The following TNRC18 variants were observed in gnomAD, a reference collection of about 807,000 sequenced individuals.
TNRC18 encodes trinucleotide repeat containing 18.
TNRC18 carries 69 observed loss-of-function variants against 226.7 expected under a neutral mutation model. The ratio of observed to expected loss-of-function variants is 0.30; its 90% CI spans 0.25 to 0.37. The LOEUF (loss-of-function observed/expected upper bound fraction) is 0.37, where lower values mean the gene tolerates loss of function less well. Ranked by LOEUF, TNRC18 falls within the 10% of genes least tolerant of loss-of-function variation. TNRC18 has a pLI of 1.00. For synonymous variants in TNRC18, 2,449 were observed against 1,927.6 expected, an observed-to-expected ratio of 1.27 and a Z score of -7.09; for missense variants, 4,754 against 4,256.6, an observed-to-expected ratio of 1.12 and a Z score of -3.25.
At chr7:5,308,422 G>C in intron 29 of TNRC18, 110 bp from the exon 30 acceptor site, 2 of 1,006,326 alleles carry the variant, frequency 2.0e-6, no homozygotes, top group South Asian at 1.5e-5. Context: ...CAGGGACTGA[G>C]ACAGAGACCA....
At chr7:5,370,297 T>C (rs1279738654) in intron 11 of TNRC18, 78 bp downstream of exon 11, 40 of 1,460,832 alleles carry the variant, frequency 2.7e-5, no homozygotes, top group Non-Finnish European at 3.3e-5. Context: ...CACTCCAGCC[T>C]GGGCAACACA....
chr7:5,402,800 G>A (rs980191162), intron 2 of TNRC18, among the ~76,000 whole-genome samples: 1 of 152,002 alleles, frequency 6.6e-6, no homozygotes, highest in African/African-American at 2.4e-5. Context: ...GTTGCAGTGA[G>A]GCGACACAGT....
chr7:5,355,366 G>A (rs537106013), intron 16 of TNRC18, among the ~76,000 whole-genome samples: 27 of 152,308 alleles, frequency 1.8e-4, no homozygotes, highest in African/African-American at 5.8e-4. Flanking sequence ...GGCAGCTCAC[G>A]CCTGTAATCC....
chr7:5,345,517 G>GGGGCGGGCCCACCCCCCCCC, intron 18 of TNRC18, 45 bp downstream of exon 18: 1 of 377,744 alleles, frequency 2.6e-6, no homozygotes, highest in Non-Finnish European at 4.8e-6. Flanking sequence ...AATGGCGTCC[G>GGGGCGGGCCCACCCCCCCCC]CCCCTCCCAC....
chr7:5,394,088 C>A lies in TNRC18; in HGVS notation c.343+352G>T, dbSNP rs1780487875. Among the ~76,000 whole-genome samples, 1 of 152,086 alleles carries A rather than the reference C, an allele frequency of 6.6e-6. No homozygotes were observed. The highest frequency in any genetic ancestry group is 6.6e-5 in the Admixed American group (1 of 15,256). Reference sequence around the variant, plus strand: ...ATCACACTAGGCCCTGAACTCAGGGCTCACTCCGGTGGGAAAGCGGGTAGT... The same window carrying A: ...ATCACACTAGGCCCTGAACTCAGGGATCACTCCGGTGGGAAAGCGGGTAGT... On this transcript the variant is annotated intron_variant, in intron 3 of 29. Coordinates refer to ENST00000430969, the MANE Select transcript of TNRC18 (RefSeq NM_001080495.3). The surrounding 1 kb of genome is among the most constrained non-coding windows in gnomAD (Gnocchi z 4.5).
chr7:5,371,021 G>T lies in TNRC18; in HGVS notation c.3573C>A (p.Ser1191Arg), dbSNP rs377155493. The change falls in exon 11 of 30, where the codon AGC becomes AGA. Residue 1191 changes from serine to arginine, a missense_variant. Coordinates refer to ENST00000430969, the MANE Select transcript of TNRC18 (RefSeq NM_001080495.3). ...LPAAEAMATP[S>R]PAGGCGGGLL... The stretch of plus-strand genomic sequence containing the variant: ...GGCCACCTCCACAACCCCCTGCAGG[G>T]CTGGGGGTAGCCATGGCTTCCGCGG... 2 of 1,608,810 alleles carry T rather than the reference G, an allele frequency of 1.2e-6. No individual in the cohort carries two copies. The highest frequency in any genetic ancestry group is 2.7e-5 in the African/African-American group (2 of 74,934).
intron 18 of TNRC18, among the ~76,000 whole-genome samples, chr7:5,335,984 A>C (rs1790068440): frequency 1.3e-5 from 2 of 151,938 alleles, no homozygotes; most frequent in Admixed American, 6.6e-5. Flanking sequence ...AGGCGGGCAG[A>C]TCACTTGAGG....
intron 18 of TNRC18, 121 bp from the exon 19 acceptor site, chr7:5,333,170 C>T (rs144529604): frequency 1.7e-5 from 20 of 1,156,978 alleles, no homozygotes; most frequent in East Asian, 1.0e-4. Context: ...CGCTTCTGCC[C>T]GTTTCCAGGA....
chr7:5,336,304 A>G (rs1790115220), intron 18 of TNRC18, among the ~76,000 whole-genome samples: 1 of 152,182 alleles, frequency 6.6e-6, no homozygotes, highest in Admixed American at 6.6e-5. Context: ...TGACCCTGAG[A>G]TGAACCACAT....
chr7:5,411,971 GC>G (rs1003079107), intron 2 of TNRC18, among the ~76,000 whole-genome samples: 3 of 151,920 alleles, frequency 2.0e-5, no homozygotes, highest in African/African-American at 7.3e-5. Context: ...GATTATTTGA[GC>G]TCAGGAGTTC....
chr7:5,314,374 G>A (rs1188372776), intron 26 of TNRC18, among the ~76,000 whole-genome samples: 1 of 151,952 alleles, frequency 6.6e-6, no homozygotes, highest in Non-Finnish European at 1.5e-5. Flanking sequence ...CTTAAGTTGT[G>A]TTGGCCCCAA....
chr7:5,399,064 G>A (rs927567020), intron 2 of TNRC18, among the ~76,000 whole-genome samples: 5 of 152,148 alleles, frequency 3.3e-5, no homozygotes, highest in African/African-American at 1.2e-4. Flanking sequence ...AGGCCATCCT[G>A]CCTGGTCTCC....
intron 3 of TNRC18, among the ~76,000 whole-genome samples, chr7:5,392,539 G>A (rs28412761): frequency 0.035 from 5,354 of 152,150 alleles, 347 homozygotes; most frequent in African/African-American, 0.12. Flanking sequence ...GCTTGAACCC[G>A]GGAGGTAGAG....
At chr7:5,357,833 G>A (rs749807145) in intron 15 of TNRC18, among the ~76,000 whole-genome samples, 7 of 152,092 alleles carry the variant, frequency 4.6e-5, no homozygotes, top group Non-Finnish European at 8.8e-5. Context: ...TCTGGGTATC[G>A]CAAGGTGCTT....
At chr7:5,383,545 G>C (rs1220656569) in intron 5 of TNRC18, among the ~76,000 whole-genome samples, 1 of 152,212 alleles carries the variant, frequency 6.6e-6, no homozygotes, top group Non-Finnish European at 1.5e-5. Context: ...GGCAGAGCTT[G>C]GACTTAAACC....
At chr7:5,358,876 G>C (rs1023173531) in intron 15 of TNRC18, among the ~76,000 whole-genome samples, 7 of 152,084 alleles carry the variant, frequency 4.6e-5, no homozygotes, top group Admixed American at 2.0e-4. Context: ...GGGATGGCAA[G>C]GTACATTAGT....
rs946651548 is a variant in TNRC18, at chr7:5,388,869, G to T, written c.955C>A (p.Arg319=). ...CCAGGGAGCAGGGTCTCCGTGCGCC[G>T]CAGCAGCCGCGCGCCCTCGTCCTGC... ...ARQDEGARLL[R]RTETLLPGPR... Residue 319 remains arginine (R), a synonymous_variant, in exon 5 of 30, where the codon CGG becomes AGG. Transcript: ENST00000430969. 18 of 1,289,962 alleles carry T rather than the reference G, an allele frequency of 1.4e-5. No homozygotes were observed. The highest frequency in any genetic ancestry group is 1.7e-5 in the Non-Finnish European group (17 of 1,014,868). 79.9% of individuals were successfully genotyped at this position (1,289,962 alleles called of 1,614,324 possible). A position where few individuals can be genotyped will look rare whatever the true frequency, so the allele number is the denominator to read the frequency against.
At position 5,307,774 on chromosome 7, in the gene TNRC18, C is replaced by A. The variant is rs575611711; in HGVS notation, c.*332G>T. Reference sequence around the variant, plus strand: ...GGACCTGGGGGCACCCGGGCCCCCACGCAGCAGCAGCCTGGAGGGCCGGCC... The same window carrying A: ...GGACCTGGGGGCACCCGGGCCCCCAAGCAGCAGCAGCCTGGAGGGCCGGCC... On this transcript the variant is annotated 3_prime_UTR_variant, in exon 30 of 30. Coordinates refer to ENST00000430969, the MANE Select transcript of TNRC18 (RefSeq NM_001080495.3). 2.0e-5 allele frequency: 8 copies of A among 394,188 alleles called. No individual in the cohort carries two copies. Among genetic ancestry groups the A allele is most frequent in the Admixed American group, 3.9e-5 (1 of 25,432 alleles). 24.4% of individuals were successfully genotyped at this position (394,188 alleles called of 1,614,324 possible). A position where few individuals can be genotyped will look rare whatever the true frequency, so the allele number is the denominator to read the frequency against.
At chr7:5,327,548 G>A (rs1789061856) in intron 19 of TNRC18, among the ~76,000 whole-genome samples, 1 of 152,016 alleles carries the variant, frequency 6.6e-6, no homozygotes, top group South Asian at 2.1e-4. Flanking sequence ...TAAGCAGATA[G>A]CTGCAGCTCC....
Sources: gnomAD v4.1 joint callset for allele counts (sites outside exome capture counted in the v4.1 genomes callset) on GRCh38, gnomAD v4.1.1 for gene constraint, Gnocchi (gnomAD v3.1) non-coding constraint, MANE v1.5 for transcripts, NCBI Gene and HGNC (gene_info 2026-07-23, HGNC 2026-07-21) for gene names.